Variants in GUSB observed in about 807,000 individuals in gnomAD.
The protein encoded by GUSB is glucuronidase beta.
A neutral mutation model predicts 74.6 loss-of-function variants in GUSB; 51 were observed. That is an observed-to-expected ratio of 0.68 (90% CI 0.55 to 0.86). GUSB has a LOEUF of 0.86. GUSB is among the 40% of genes least tolerant of loss of function. GUSB has a pLI of 0.00. For synonymous variants in GUSB, 360 were observed against 348.3 expected, an observed-to-expected ratio of 1.03 and a Z score of -0.37; for missense variants, 736 against 853.7, an observed-to-expected ratio of 0.86 and a Z score of 1.72.
At chr7:65,968,230 C>A (rs1177514562) in intron 9 of GUSB, among the ~76,000 whole-genome samples, 33 of 123,348 alleles carry the variant, frequency 2.7e-4, no homozygotes, top group South Asian at 5.0e-4. Flanking sequence ...CCATTTCTAC[C>A]AAAAAAAAAA....
chr7:65,981,711 G>T (rs1040307105), intron 1 of GUSB: 53 of 387,586 alleles, frequency 1.4e-4, no homozygotes, highest in African/African-American at 1.0e-3. Flanking sequence ...ATATTGAAAG[G>T]AAGGATACTG....
At chr7:65,980,121 C>T (rs1370887880) in intron 2 of GUSB, 103 bp downstream of exon 2, 5 of 1,209,918 alleles carry the variant, frequency 4.1e-6, no homozygotes, top group Non-Finnish European at 5.9e-6. Flanking sequence ...GGACCCCCCA[C>T]CATCCCACCC....
chr7:65,960,782 C>G lies in GUSB; in HGVS notation c.*115G>C, dbSNP rs903992911. ...CCTGCTAGAATAGATGACCACAAAA[C>G]CCAGGCCAGAAACGTTCTGGTCTGC... On this transcript the variant is annotated 3_prime_UTR_variant, in exon 12 of 12. Transcript: ENST00000304895. The G allele has an allele frequency of 2.1e-5, 18 of 859,412 alleles. No homozygotes were observed. Among genetic ancestry groups the G allele is most frequent in the Non-Finnish European group, 3.2e-5 (16 of 496,894 alleles). The allele number at this position is 859,412 out of a possible 1,614,324, so 53.2% of individuals were successfully genotyped here.
intron 11 of GUSB, among the ~76,000 whole-genome samples, chr7:65,962,728 C>T (rs549462536): frequency 2.2e-4 from 33 of 151,932 alleles, no homozygotes; most frequent in East Asian, 5.9e-4. Flanking sequence ...CAAAATTAGC[C>T]GGGTGTGGTG....
Position 65,970,315 on chromosome 7 carries a change from A to G in GUSB, c.1443T>C (p.Phe481=), listed in dbSNP as rs777191171. The stretch of plus-strand genomic sequence containing the variant: ...CTGCTGCATAGTTAGAGTTGCTCAC[A>G]AAGGTCACAGGCCGGGAGGGGTCCA... The part of the protein sequence containing the change: ...KSLDPSRPVT[F]VSNSNYAADK... The change falls in exon 9 of 12, where the codon TTT becomes TTC. Residue 481 remains phenylalanine, a synonymous_variant. Transcript: ENST00000304895. 1 of 1,613,340 alleles carries G rather than the reference A, an allele frequency of 6.2e-7. No homozygotes were observed. Among genetic ancestry groups the G allele is most frequent in the East Asian group, 2.2e-5 (1 of 44,848 alleles).
In GUSB at chr7:65,967,870, T is replaced by G; in HGVS notation, c.1514A>C (p.Tyr505Ser). 6.2e-7 allele frequency: 1 copy of G among 1,603,498 alleles called. No homozygotes were observed. Among genetic ancestry groups the G allele is most frequent in the Non-Finnish European group, 8.5e-7 (1 of 1,179,766 alleles). ...YVDVICLNSY[Y>S]SWYHDYGHLE... ...GTGCCCGTAGTCGTGATACCAAGAG[T>G]AGTAGCTGTTCAAACAGATCACATC... The change falls in exon 10 of 12, where the codon TAC (tyrosine) becomes TCC (serine). Residue 505 changes from tyrosine (Y) to serine (S), a missense_variant. Transcript: ENST00000304895.
In GUSB at chr7:65,979,964, C is replaced by A. The variant is rs907946113; in HGVS notation, c.397-53G>T. 9.8e-6 allele frequency: 14 copies of A among 1,429,268 alleles called. No individual in the cohort carries two copies. The East Asian group carries it at 2.7e-4, about 28-fold the overall frequency. 88.5% of individuals were successfully genotyped at this position (1,429,268 alleles called of 1,614,324 possible). ...GGCTGCAGGTCAGGGCATGAGGAGG[C>A]GCCCTACTATCGGGCACTCCCTCAC... On this transcript the variant is annotated intron_variant, in intron 2 of 11. Coordinates refer to ENST00000304895, the MANE Select transcript of GUSB (RefSeq NM_000181.4).
chr7:65,980,828 C>T, intron 1 of GUSB: 1 of 299,234 alleles, frequency 3.3e-6, no homozygotes, highest in Non-Finnish European at 6.6e-6. Flanking sequence ...CCCTCCTGTA[C>T]TGAATGCTGC....
At position 65,975,017 on chromosome 7, in the gene GUSB, G is replaced by A; in HGVS notation, c.967C>T (p.Pro323Ser). 6.2e-7 allele frequency: 1 copy of A among 1,613,376 alleles called. No homozygotes were observed. Among genetic ancestry groups the A allele is most frequent in the Non-Finnish European group, 8.5e-7 (1 of 1,179,372 alleles). ...ACAGCCACAGTGCGGATCCCCACAGGGAGTGTGTAGAAGTCAGACACAGGC... is the reference window on the plus strand; with the variant it reads ...ACAGCCACAGTGCGGATCCCCACAGAGAGTGTGTAGAAGTCAGACACAGGC... ...LGPVSDFYTLPVGIRTVAVTK... is the reference protein window; with the variant it reads ...LGPVSDFYTLSVGIRTVAVTK... Residue 323 changes from proline (P) to serine (S), a missense_variant, in exon 6 of 12, where the codon CCT becomes TCT. Pro to Ser is a moderately conservative substitution (Grantham distance 74, BLOSUM62 -1). Around this residue, in one of 2 missense-constraint regions of GUSB, gnomAD observed 368 missense variants for 489.9 expected, o/e 0.75. Transcript: ENST00000304895.
chr7:65,976,382 G>A (rs1791579307), intron 4 of GUSB, among the ~76,000 whole-genome samples, 180 bp from the exon 5 acceptor site: 1 of 151,806 alleles, frequency 6.6e-6, no homozygotes, highest in Admixed American at 6.6e-5. Flanking sequence ...CTGGAGTGCA[G>A]TGGCATGATC....
Position 65,980,361 on chromosome 7 carries a change from T to C in GUSB, c.259A>G (p.Ser87Gly), listed in dbSNP as rs757243831. ...AAATGCCGCAGACGCCAGTCCTGGC[T>C]GATGTCATTGAAGCTGGAGGGAACT... is the stretch of plus-strand genomic sequence containing the variant. ...MPVPSSFNDI[S>G]QDWRLRHFVG... The change falls in exon 2 of 12, where the codon AGC (serine) becomes GGC (glycine). Residue 87 changes from serine (S) to glycine (G), a missense_variant. This residue lies in a region of GUSB where 368 missense variants were observed against 363.8 expected (regional missense o/e 1.01). Coordinates refer to ENST00000304895, the MANE Select transcript of GUSB (RefSeq NM_000181.4). 23 of 1,613,932 alleles carry C rather than the reference T, an allele frequency of 1.4e-5. No homozygotes were observed. In the South Asian group the frequency reaches 2.3e-4, roughly 16 times the overall value.
chr7:65,974,875 T>TG, intron 6 of GUSB, 44 bp downstream of exon 6: 1 of 1,605,154 alleles, frequency 6.2e-7, no homozygotes. Context: ...AAGTGGAGGG[T>TG]GACCAGAAGC....
intron 8 of GUSB, among the ~76,000 whole-genome samples, chr7:65,973,971 C>G (rs1362425510): frequency 1.3e-5 from 2 of 151,280 alleles, no homozygotes; most frequent in Non-Finnish European, 2.9e-5. Flanking sequence ...TTCATGGGTG[C>G]CTGTAATCCT....
At chr7:65,972,788 G>C (rs1791299266) in intron 8 of GUSB, among the ~76,000 whole-genome samples, 2 of 152,032 alleles carry the variant, frequency 1.3e-5, no homozygotes, top group Admixed American at 1.3e-4. Flanking sequence ...CTTCCCCTTC[G>C]CAACAAAGGG....
At chr7:65,965,139 C>T (rs1382013499) in intron 10 of GUSB, among the ~76,000 whole-genome samples, 1 of 151,792 alleles carries the variant, frequency 6.6e-6, no homozygotes, top group Non-Finnish European at 1.5e-5. Flanking sequence ...GGCATGGTAC[C>T]TCAGGTCTGT....
chr7:65,961,529 T>C (rs1199016941), intron 11 of GUSB, among the ~76,000 whole-genome samples: 1 of 152,166 alleles, frequency 6.6e-6, no homozygotes, highest in Non-Finnish European at 1.5e-5. Flanking sequence ...ACACCCAGGT[T>C]CCCTGGTGTG....
At chr7:65,979,641 T>G (rs1583943281) in intron 3 of GUSB, 86 bp downstream of exon 3, 1 of 1,576,452 alleles carries the variant, frequency 6.3e-7, no homozygotes, top group East Asian at 2.2e-5. Context: ...GCCTCCACTC[T>G]GTGAAGGCCA....
rs1271320539 is a variant in GUSB at position 65,976,031 on chromosome 7, T to C, written c.896A>G (p.Tyr299Cys). ...WPYLMHERPAYLYSLEVQLTA... is the reference protein window; with the variant it reads ...WPYLMHERPACLYSLEVQLTA... Reference sequence around the variant, plus strand: ...CACCATTACCTCCAATGAATACAGATAGGCAGGGCGTTCGTGCATCAGGTA... The same window carrying C: ...CACCATTACCTCCAATGAATACAGACAGGCAGGGCGTTCGTGCATCAGGTA... Residue 299 changes from tyrosine to cysteine, a missense_variant, in exon 5 of 12, where the codon TAT becomes TGT. Physicochemically the swap from Tyr to Cys is radical, Grantham distance 194. Around this residue, in one of 2 missense-constraint regions of GUSB, gnomAD observed 368 missense variants for 489.9 expected, o/e 0.75. Coordinates refer to ENST00000304895, the MANE Select transcript of GUSB (RefSeq NM_000181.4). 7.4e-6 allele frequency: 12 copies of C among 1,613,640 alleles called. No homozygotes were observed. Among genetic ancestry groups the C allele is most frequent in the Non-Finnish European group, 1.0e-5 (12 of 1,179,956 alleles).
chr7:65,980,185 G>GGGGGGCCCCCCCCCC, intron 2 of GUSB, 39 bp downstream of exon 2: 2 of 725,272 alleles, frequency 2.8e-6, no homozygotes, highest in East Asian at 2.7e-5. Context: ...CAGCAGCCGT[G>GGGGGGCCCCCCCCCC]CCCCCCCACC....
Sources: gnomAD v4.1 joint callset for allele counts (sites outside exome capture counted in the v4.1 genomes callset) on GRCh38, gnomAD v4.1.1 for gene constraint, gnomAD v4.1.1 regional missense constraint, MANE v1.5 for transcripts, NCBI Gene and HGNC (gene_info 2026-07-23, HGNC 2026-07-21) for gene names.